Variants in ZSWIM6 observed in about 807,000 individuals in gnomAD.
ZSWIM6 encodes zinc finger SWIM-type containing 6.
ZSWIM6 carries 9 observed loss-of-function variants against 113.2 expected under a neutral mutation model. That is an observed-to-expected ratio of 0.08 (90% CI 0.05 to 0.14). ZSWIM6 has a LOEUF of 0.14. Ranked by LOEUF, ZSWIM6 falls within the 10% of genes least tolerant of loss-of-function variation. ZSWIM6 has a pLI of 1.00. For synonymous variants in ZSWIM6, 611 were observed against 606.5 expected (o/e 1.01, Z -0.11); for missense variants, 1,162 against 1,552.2 (o/e 0.75, Z 4.22).
chr5:61,511,693 G>A (rs1265659799), intron 4 of ZSWIM6, among the ~76,000 whole-genome samples: 2 of 152,164 alleles, frequency 1.3e-5, no homozygotes, highest in African/African-American at 2.4e-5. Context: ...GCACCTTGAT[G>A]TTGGACTTCC....
At chr5:61,343,967 G>A (rs937878687) in intron 1 of ZSWIM6, among the ~76,000 whole-genome samples, 2 of 150,966 alleles carry the variant, frequency 1.3e-5, no homozygotes, top group Non-Finnish European at 2.9e-5. Context: ...GCTCACTGCA[G>A]TCTCCAATCT....
At chr5:61,346,868 G>A (rs1252490974) in intron 1 of ZSWIM6, among the ~76,000 whole-genome samples, 4 of 152,170 alleles carry the variant, frequency 2.6e-5, no homozygotes, top group Admixed American at 1.3e-4. Context: ...ACTACTGTGG[G>A]GGAAAAAGCC....
chr5:61,511,199 G>A (rs1748778347), intron 4 of ZSWIM6, among the ~76,000 whole-genome samples: 1 of 152,062 alleles, frequency 6.6e-6, no homozygotes, highest in Admixed American at 6.6e-5. Context: ...TCTTTAGGGA[G>A]GTGAGCAATA....
At chr5:61,378,395 AT>A (rs1321560181) in intron 1 of ZSWIM6, among the ~76,000 whole-genome samples, 1 of 152,212 alleles carries the variant, frequency 6.6e-6, no homozygotes, top group Non-Finnish European at 1.5e-5. Context: ...AGAACAGTAT[AT>A]GTGTTTTGCT....
intron 1 of ZSWIM6, among the ~76,000 whole-genome samples, chr5:61,356,539 T>C (rs1302744389): frequency 6.6e-6 from 1 of 151,066 alleles, no homozygotes; most frequent in African/African-American, 2.4e-5. Flanking sequence ...TGCACCAACC[T>C]AATATATTTA....
At chr5:61,428,995 C>T (rs1026998906) in intron 1 of ZSWIM6, among the ~76,000 whole-genome samples, 1 of 152,216 alleles carries the variant, frequency 6.6e-6, no homozygotes, top group African/African-American at 2.4e-5. Flanking sequence ...TGTTATAAAA[C>T]AGATTCTCAA....
At chr5:61,533,128 G>A (rs955958739) in intron 9 of ZSWIM6, among the ~76,000 whole-genome samples, 1 of 152,148 alleles carries the variant, frequency 6.6e-6, no homozygotes, top group African/African-American at 2.4e-5. Context: ...ATTTTTATGA[G>A]TACTGTGCCT....
intron 4 of ZSWIM6, among the ~76,000 whole-genome samples, chr5:61,507,201 T>G (rs950491886): frequency 1.3e-5 from 2 of 152,194 alleles, no homozygotes; most frequent in African/African-American, 2.4e-5. Context: ...TGTCAAAAAT[T>G]CCAATGGTAT....
In ZSWIM6 at chr5:61,509,579, A is replaced by T. The variant is rs551145393; in HGVS notation, c.1334-11684A>T. On this transcript the variant is annotated intron_variant, in intron 4 of 13. Transcript: ENST00000252744. ...GTGATGCACACACCAGTGATTTGAAAATTGCCAAAGCATCTCAGACCTTTA... is the reference window on the plus strand; with the variant it reads ...GTGATGCACACACCAGTGATTTGAATATTGCCAAAGCATCTCAGACCTTTA... 3.9e-5 allele frequency among the ~76,000 whole-genome samples: 6 copies of T among 152,304 alleles called. No individual in the cohort carries two copies. In the South Asian group the frequency reaches 1.0e-3, roughly 26 times the overall value.
rs968559488 is a variant in ZSWIM6 at position 61,474,374 on chromosome 5, A to G, written c.1033+1337A>G. ...ATAGAAATATAACATGAGCCTTCCC[A>G]TAGAAATAGAATATTAACCACATGC... On this transcript the variant is annotated intron_variant, in intron 2 of 13. Coordinates refer to ENST00000252744, the MANE Select transcript of ZSWIM6 (RefSeq NM_020928.2). Among the ~76,000 whole-genome samples the G allele has an allele frequency of 3.2e-4, 49 of 152,222 alleles. 1 individual carries two copies. The highest frequency in any genetic ancestry group is 3.1e-4 in the Non-Finnish European group (21 of 68,028).
chr5:61,366,944 A>G (rs963535997), intron 1 of ZSWIM6, among the ~76,000 whole-genome samples: 1 of 151,880 alleles, frequency 6.6e-6, no homozygotes, highest in Admixed American at 6.6e-5. Flanking sequence ...AAAAAAAAAA[A>G]AGGCACAGAA....
chr5:61,467,908 C>G (rs966030990), intron 1 of ZSWIM6, among the ~76,000 whole-genome samples: 1 of 152,160 alleles, frequency 6.6e-6, no homozygotes, highest in Admixed American at 6.5e-5. Context: ...GCCACCTCCA[C>G]GGGCTAGACC....
chr5:61,359,053 A>G (rs1744979267), intron 1 of ZSWIM6, among the ~76,000 whole-genome samples: 1 of 152,202 alleles, frequency 6.6e-6, no homozygotes, highest in African/African-American at 2.4e-5. Context: ...CAATACATAT[A>G]ACACACATAG....
intron 1 of ZSWIM6, among the ~76,000 whole-genome samples, chr5:61,336,293 T>G (rs554534940): frequency 3.3e-5 from 5 of 152,106 alleles, no homozygotes; most frequent in Admixed American, 2.6e-4. Context: ...GATATTGATA[T>G]TGGAAGGGAG....
chr5:61,497,558 A>G (rs1324758787), intron 4 of ZSWIM6, among the ~76,000 whole-genome samples: 3 of 152,162 alleles, frequency 2.0e-5, no homozygotes, highest in African/African-American at 4.8e-5. Flanking sequence ...ATAATGTAGT[A>G]TGAAATAGGT....
intron 5 of ZSWIM6, among the ~76,000 whole-genome samples, chr5:61,523,130 G>A (rs1749176964): frequency 6.6e-6 from 1 of 152,234 alleles, no homozygotes; most frequent in Non-Finnish European, 1.5e-5. Context: ...CTTCTGAGGG[G>A]CTGTCAGAAG....
intron 4 of ZSWIM6, among the ~76,000 whole-genome samples, chr5:61,507,705 T>C (rs529260737): frequency 1.3e-5 from 2 of 152,276 alleles, no homozygotes; most frequent in South Asian, 4.1e-4. Flanking sequence ...TGGATATGCT[T>C]TCATATATAT....
chr5:61,426,577 G>C (rs1381286772), intron 1 of ZSWIM6, among the ~76,000 whole-genome samples: 1 of 151,826 alleles, frequency 6.6e-6, no homozygotes, highest in East Asian at 1.9e-4. Flanking sequence ...TTCCAGTTTT[G>C]TCAATTGATT....
chr5:61,358,017 C>T (rs1222047670), intron 1 of ZSWIM6, among the ~76,000 whole-genome samples: 1 of 152,192 alleles, frequency 6.6e-6, no homozygotes, highest in Non-Finnish European at 1.5e-5. Flanking sequence ...TTTCCTGGAA[C>T]ATCCCTGGAT....
Sources: gnomAD v4.1 joint callset for allele counts (sites outside exome capture counted in the v4.1 genomes callset) on GRCh38, gnomAD v4.1.1 for gene constraint, MANE v1.5 for transcripts, NCBI Gene and HGNC (gene_info 2026-07-23, HGNC 2026-07-21) for gene names.